Variants in ZNF420 observed in about 807,000 individuals in gnomAD.
ZNF420 encodes ATM and p53-associated KZNF protein.
Under a neutral mutation model 44.7 loss-of-function variants are expected in ZNF420, and 31 were observed. That is an observed-to-expected ratio of 0.69 (90% CI 0.52 to 0.94). The LOEUF (loss-of-function observed/expected upper bound fraction) is 0.94, where lower values mean the gene tolerates loss of function less well. Among genes scored for constraint, ZNF420 ranks in the 40% least tolerant of loss-of-function variants. The pLI, the probability that ZNF420 is intolerant of heterozygous loss-of-function variation, is 0.00. For synonymous variants in ZNF420, 245 were observed against 267.4 expected (o/e 0.92, Z 0.82); for missense variants, 681 against 827.9 (o/e 0.82, Z 2.18).
chr19:37,082,157 TTTG>T (rs1309260823), intron 2 of ZNF420, among the ~76,000 whole-genome samples: 2 of 152,158 alleles, frequency 1.3e-5, no homozygotes, highest in Non-Finnish European at 2.9e-5. Context: ...ATCTCCATTT[TTTG>T]TTGTTGTTGT....
At chr19:37,057,759 A>G (rs775093936) in intron 1 of ZNF420, among the ~76,000 whole-genome samples, 8 of 151,966 alleles carry the variant, frequency 5.3e-5, no homozygotes, top group Non-Finnish European at 4.4e-5. Context: ...GCTTTTCTAG[A>G]ATCAAGATGA....
intron 4 of ZNF420, among the ~76,000 whole-genome samples, chr19:37,096,931 C>G (rs192393954): frequency 9.5e-4 from 142 of 150,244 alleles, no homozygotes; most frequent in African/African-American, 3.4e-3. Context: ...CAGAGTCTCG[C>G]TGTGTCACCC....
chr19:37,095,768 T>C (rs1396725180), intron 4 of ZNF420, among the ~76,000 whole-genome samples: 1 of 152,096 alleles, frequency 6.6e-6, no homozygotes, highest in Non-Finnish European at 1.5e-5. Flanking sequence ...CCAGCTTATT[T>C]TTTAATTTTT....
intron 4 of ZNF420, 30 bp downstream of exon 4, chr19:37,091,151 T>C (rs2146540022): frequency 6.6e-7 from 1 of 1,520,290 alleles, no homozygotes; most frequent in Non-Finnish European, 8.8e-7. Flanking sequence ...TATTTCAGGA[T>C]CTACCTTTGG....
At chr19:37,079,273 G>A (rs1968294960) in intron 1 of ZNF420, among the ~76,000 whole-genome samples, 1 of 152,196 alleles carries the variant, frequency 6.6e-6, no homozygotes, top group Admixed American at 6.5e-5. Flanking sequence ...ATGTGATTAT[G>A]TGTGACTTTA....
chr19:37,053,061 C>A lies in ZNF420; in HGVS notation c.-124-27284C>A, dbSNP rs139431180. ...TATTTCTTGGAGGCTTTGTTCATTT[C>A]TTTTTATTCCTTTTTCTTTAAACTT... On this transcript the variant is annotated intron_variant, in intron 1 of 4. Coordinates refer to the ZNF420 transcript ENST00000587029. Among the ~76,000 whole-genome samples the A allele has an allele frequency of 2.4e-4, 37 of 152,234 alleles. No homozygotes were observed. In the East Asian group the frequency reaches 7.1e-3, roughly 29 times the overall value.
chr19:37,074,331 C>T (rs534136902), upstream of ZNF420, among the ~76,000 whole-genome samples: 14 of 152,284 alleles, frequency 9.2e-5, no homozygotes, highest in South Asian at 2.9e-3. Flanking sequence ...AACACACCAG[C>T]ATTCATAGTT....
intron 4 of ZNF420, 141 bp from the exon 5 acceptor site, chr19:37,126,987 T>A: frequency 2.2e-6 from 1 of 456,238 alleles, no homozygotes; most frequent in Non-Finnish European, 3.5e-6. Flanking sequence ...ATGTGAAAGG[T>A]AGGTATTATA....
intron 4 of ZNF420, among the ~76,000 whole-genome samples, chr19:37,093,898 G>GA (rs1416120396): frequency 3.3e-5 from 5 of 152,076 alleles, no homozygotes; most frequent in African/African-American, 7.2e-5. Flanking sequence ...TCTTGGGGGT[G>GA]AAAAAATGTT....
At chr19:37,048,448 A>G (rs1258204970) in intron 1 of ZNF420, among the ~76,000 whole-genome samples, 1 of 152,220 alleles carries the variant, frequency 6.6e-6, no homozygotes, top group African/African-American at 2.4e-5. Flanking sequence ...AGCATTTTTA[A>G]AGTACACTAT....
chr19:37,031,591 C>T (rs774791777), intron 1 of ZNF420, among the ~76,000 whole-genome samples: 1 of 151,944 alleles, frequency 6.6e-6, no homozygotes, highest in Non-Finnish European at 1.5e-5. Context: ...CGGCAACCTC[C>T]GCCTCCTGGG....
intron 4 of ZNF420, chr19:37,092,558 C>G (rs1969212326): frequency 6.6e-6 from 1 of 151,964 alleles, no homozygotes; most frequent in African/African-American, 2.4e-5. Context: ...ACTAAAAATA[C>G]AAAAAATTAG....
At chr19:37,008,869 G>A (rs1422331969) in intron 1 of ZNF420, among the ~76,000 whole-genome samples, 1 of 152,168 alleles carries the variant, frequency 6.6e-6, no homozygotes, top group Non-Finnish European at 1.5e-5. Context: ...ACACTTTCCA[G>A]TCCATCAGGG....
intron 1 of ZNF420, among the ~76,000 whole-genome samples, chr19:37,070,898 AACTAT>A (rs1481232124): frequency 6.6e-6 from 1 of 152,212 alleles, no homozygotes; most frequent in African/African-American, 2.4e-5. Context: ...GGGCTTAGCA[AACTAT>A]GGCCCACAGG....
intron 2 of ZNF420, among the ~76,000 whole-genome samples, chr19:37,081,406 A>G (rs1381939404): frequency 6.6e-6 from 1 of 152,066 alleles, no homozygotes; most frequent in East Asian, 1.9e-4. Context: ...CAACTAGGTC[A>G]GGTAGGTTGA....
At chr19:37,106,232 T>C (rs1054540917) in intron 4 of ZNF420, among the ~76,000 whole-genome samples, 3 of 152,234 alleles carry the variant, frequency 2.0e-5, no homozygotes, top group Admixed American at 6.5e-5. Context: ...TGAAGGGCTG[T>C]TGAATTTTGT....
rs1033952387 is a variant in ZNF420, at chr19:37,115,179, C to A, written c.137-11949C>A. Reference sequence around the variant, plus strand: ...CGTACCTTCACCCTAGAGAAAAGCACCTACGTTGGACACCCGATGAAGGAG... The same window carrying A: ...CGTACCTTCACCCTAGAGAAAAGCAACTACGTTGGACACCCGATGAAGGAG... On this transcript the variant is annotated intron_variant, in intron 4 of 4. Coordinates refer to ENST00000337995, the MANE Select transcript of ZNF420 (RefSeq NM_144689.5). 2.3e-5 allele frequency: 4 copies of A among 172,762 alleles called. No homozygotes were observed. The Middle Eastern group carries it at 2.0e-3, about 86-fold the overall frequency. 10.7% of individuals were successfully genotyped at this position (172,762 alleles called of 1,614,324 possible).
chr19:37,097,349 T>C (rs950350484), intron 4 of ZNF420, among the ~76,000 whole-genome samples: 19 of 152,300 alleles, frequency 1.2e-4, no homozygotes, highest in Admixed American at 9.2e-4. Flanking sequence ...TATGGAAATA[T>C]AGTTTTTCAG....
chr19:37,089,034 C>A lies in ZNF420; in HGVS notation c.-80-5C>A. 2 of 1,229,768 alleles carry A rather than the reference C, an allele frequency of 1.6e-6. No individual in the cohort carries two copies. Among genetic ancestry groups the A allele is most frequent in the Non-Finnish European group, 2.4e-6 (2 of 829,302 alleles). The allele number at this position is 1,229,768 out of a possible 1,614,324, so 76.2% of individuals were successfully genotyped here. On this transcript the variant is annotated splice_region_variant and splice_polypyrimidine_tract_variant and intron_variant, in intron 2 of 4. Coordinates refer to ENST00000337995, the MANE Select transcript of ZNF420 (RefSeq NM_144689.5). ...GGTCTCATGGTTCTGCTTTCTCCTC[C>A]GTAGCTCTGCATTCTCCAGACTCTG... is the stretch of plus-strand genomic sequence containing the variant.
Sources: allele counts gnomAD v4.1 joint callset (sites outside exome capture counted in the v4.1 genomes callset), GRCh38; gene constraint gnomAD v4.1.1; transcripts MANE v1.5; gene names NCBI Gene and HGNC (gene_info 2026-07-23, HGNC 2026-07-21).